The following ACOT7 variants were observed in gnomAD, a reference collection of about 807,000 sequenced individuals.
The protein encoded by ACOT7 is cytosolic acyl coenzyme A thioester hydrolase.
Under a neutral mutation model 40.2 loss-of-function variants are expected in ACOT7, and 12 were observed. The observed-to-expected ratio is 0.30, with a 90% CI of 0.19 to 0.48. The LOEUF (loss-of-function observed/expected upper bound fraction) is 0.48, where lower values mean the gene tolerates loss of function less well. Ranked by LOEUF, ACOT7 falls within the 20% of genes least tolerant of loss-of-function variation. The pLI is 0.99. For synonymous variants in ACOT7, 228 were observed against 219.5 expected (o/e 1.04, Z -0.34); for missense variants, 395 against 530.8 (o/e 0.74, Z 2.51).
Position 6,367,138 on chromosome 1 carries a change from G to A in ACOT7, c.144-17272C>T, listed in dbSNP as rs183255636. Among the ~76,000 whole-genome samples the A allele has an allele frequency of 3.9e-3, 595 of 150,906 alleles. 3 individuals are homozygous for A. Among genetic ancestry groups the A allele is most frequent in the African/African-American group, 0.014 (574 of 41,014 alleles). On this transcript the variant is annotated intron_variant, in intron 1 of 8. Coordinates refer to ENST00000361521, the MANE Select transcript of ACOT7 (RefSeq NM_007274.4). The stretch of plus-strand genomic sequence containing the variant: ...TGCGTGAACCCAGAAGGCAGAGCTT[G>A]CAGTGAGCTGAGATCGCACCACTGC...
intron 2 of ACOT7, among the ~76,000 whole-genome samples, chr1:6,347,827 G>C (rs1641475336): frequency 6.6e-6 from 1 of 151,958 alleles, no homozygotes; most frequent in Non-Finnish European, 1.5e-5. Flanking sequence ...GATTCCATGA[G>C]CTAAACTTTA....
chr1:6,372,831 T>C (rs1459464838), intron 1 of ACOT7, among the ~76,000 whole-genome samples: 1 of 152,204 alleles, frequency 6.6e-6, no homozygotes, highest in Non-Finnish European at 1.5e-5. Flanking sequence ...ATTATAGGCA[T>C]GTGCCACCGT....
intron 6 of ACOT7, among the ~76,000 whole-genome samples, chr1:6,307,826 G>A (rs943239941): frequency 4.9e-5 from 7 of 143,516 alleles, no homozygotes; most frequent in East Asian, 4.3e-4. Flanking sequence ...AACTGTGACC[G>A]GGCAGAGGGA....
chr1:6,383,026 GGGCTACCAC>G (rs1642367848), intron 1 of ACOT7, among the ~76,000 whole-genome samples: 2 of 149,506 alleles, frequency 1.3e-5, no homozygotes, highest in South Asian at 4.2e-4. Context: ...CTACAGGCGT[GGGCTACCAC>G]GCCCAGCTAT....
intron 8 of ACOT7, among the ~76,000 whole-genome samples, chr1:6,276,388 T>G (rs2148372354): frequency 6.6e-6 from 1 of 152,202 alleles, no homozygotes; most frequent in Non-Finnish European, 1.5e-5. Flanking sequence ...CGGGGAGGCC[T>G]GCCTCTACGC....
At chr1:6,332,186 A>G (rs1640973998) in intron 4 of ACOT7, among the ~76,000 whole-genome samples, 1 of 152,204 alleles carries the variant, frequency 6.6e-6, no homozygotes, top group Non-Finnish European at 1.5e-5. Context: ...TATTCTATAT[A>G]TATATCTCAG....
intron 2 of ACOT7, among the ~76,000 whole-genome samples, chr1:6,346,071 G>C (rs968767066): frequency 7.2e-5 from 11 of 152,252 alleles, no homozygotes; most frequent in Non-Finnish European, 1.2e-4. Context: ...AGCAGAGAGG[G>C]AGCCAGGCCA....
chr1:6,361,234 G>T (rs1361646571), intron 1 of ACOT7, among the ~76,000 whole-genome samples: 1 of 152,160 alleles, frequency 6.6e-6, no homozygotes, highest in Non-Finnish European at 1.5e-5. Flanking sequence ...ATCACAAAAG[G>T]TCACACGCCA....
intron 1 of ACOT7, among the ~76,000 whole-genome samples, chr1:6,372,133 C>G (rs1642144216): frequency 6.6e-6 from 1 of 152,106 alleles, no homozygotes; most frequent in African/African-American, 2.4e-5. Flanking sequence ...GCTTCTCCAG[C>G]AGCACCTGCT....
intron 6 of ACOT7, among the ~76,000 whole-genome samples, chr1:6,318,216 G>A (rs1314671767): frequency 6.6e-6 from 1 of 151,864 alleles, no homozygotes; most frequent in Non-Finnish European, 1.5e-5. Context: ...CACCATGCCC[G>A]GCTTATTATT....
At position 6,299,098 on chromosome 1, in the gene ACOT7, C is replaced by T. The variant is rs999566126; in HGVS notation, c.713-4118G>A. Among the ~76,000 whole-genome samples, 4 of 152,188 alleles carry T rather than the reference C, an allele frequency of 2.6e-5. No homozygotes were observed. Among genetic ancestry groups the T allele is most frequent in the African/African-American group, 9.7e-5 (4 of 41,440 alleles). On this transcript the variant is annotated intron_variant, in intron 6 of 8. Coordinates refer to ENST00000361521, the MANE Select transcript of ACOT7 (RefSeq NM_007274.4). This position sits in a 1 kb window ranked among gnomAD's most constrained non-coding sequence, Gnocchi z 4.1. Reference sequence around the variant, plus strand: ...TGCCATAGCCTGGCTGGGAGTGAGTCCCCATCACCTCCGCCACTGCCGGCT... The same window carrying T: ...TGCCATAGCCTGGCTGGGAGTGAGTTCCCATCACCTCCGCCACTGCCGGCT...
intron 6 of ACOT7, among the ~76,000 whole-genome samples, chr1:6,315,442 G>A (rs556544684): frequency 2.0e-5 from 3 of 152,234 alleles, no homozygotes; most frequent in African/African-American, 4.8e-5. Flanking sequence ...CTCGTGGTGA[G>A]TTACCAGGCC....
At chr1:6,337,695 C>G (rs2148442659) in intron 3 of ACOT7, among the ~76,000 whole-genome samples, 1 of 152,260 alleles carries the variant, frequency 6.6e-6, no homozygotes, top group Admixed American at 6.5e-5. Context: ...AACTGCTCGG[C>G]TGGGCTCGGT....
intron 4 of ACOT7, among the ~76,000 whole-genome samples, chr1:6,328,685 A>T (rs369833866): frequency 6.6e-6 from 1 of 152,156 alleles, no homozygotes; most frequent in East Asian, 1.9e-4. Context: ...CCGTCTAAAA[A>T]AATAAATAAA....
chr1:6,345,770 T>A (rs1216645225), intron 2 of ACOT7, among the ~76,000 whole-genome samples: 2 of 152,104 alleles, frequency 1.3e-5, no homozygotes, highest in African/African-American at 2.4e-5. Flanking sequence ...GTTTCCCCAC[T>A]TGTAAAACAG....
chr1:6,276,995 C>T (rs535656731), intron 8 of ACOT7, among the ~76,000 whole-genome samples: 3 of 152,086 alleles, frequency 2.0e-5, no homozygotes, highest in Non-Finnish European at 4.4e-5. Context: ...TGACCACCCC[C>T]CCCCAGGGTA....
At chr1:6,346,132 ACT>A (rs1273176223) in intron 2 of ACOT7, among the ~76,000 whole-genome samples, 1 of 152,056 alleles carries the variant, frequency 6.6e-6, no homozygotes, top group Non-Finnish European at 1.5e-5. Flanking sequence ...ACAGGGTCTC[ACT>A]CTGTCATCCA....
intron 8 of ACOT7, among the ~76,000 whole-genome samples, chr1:6,273,540 TGGGGGCAGGAG>T (rs1197751290): frequency 1.3e-5 from 2 of 151,958 alleles, no homozygotes; most frequent in South Asian, 2.1e-4. Context: ...GGCAGCAAGG[TGGGGGCAGGAG>T]GGGGGCAGGG....
At chr1:6,322,668 G>T (rs2148425635) in intron 5 of ACOT7, among the ~76,000 whole-genome samples, 1 of 152,302 alleles carries the variant, frequency 6.6e-6, no homozygotes, top group East Asian at 1.9e-4. Context: ...TCCTCTTCTT[G>T]TAAAGACACC....
Sources: allele counts gnomAD v4.1 joint callset (sites outside exome capture counted in the v4.1 genomes callset), GRCh38; gene constraint gnomAD v4.1.1; non-coding constraint Gnocchi (gnomAD v3.1); transcripts MANE v1.5; gene names NCBI Gene and HGNC (gene_info 2026-07-23, HGNC 2026-07-21).